The following RYR1 variants were observed in gnomAD, a reference collection of about 807,000 sequenced individuals.
RYR1 encodes the protein ryanodine receptor 1.
Under a neutral mutation model 583.5 loss-of-function variants are expected in RYR1, and 342 were observed. The observed-to-expected ratio is 0.59, with a 90% CI of 0.54 to 0.64. RYR1 has a LOEUF of 0.64. RYR1 is among the 30% of genes least tolerant of loss of function. RYR1 has a pLI of 0.00. For missense variants in RYR1, 6,032 were observed against 6,917.2 expected, an observed-to-expected ratio of 0.87 and a Z score of 4.54; for synonymous variants, 2,791 against 2,822.5, an observed-to-expected ratio of 0.99 and a Z score of 0.35.
At position 38,528,705 on chromosome 19, in the gene RYR1, G is replaced by A. The variant is rs780485201; in HGVS notation, c.11034+10G>A. 1 of 1,613,960 alleles carries A rather than the reference G, an allele frequency of 6.2e-7. No homozygotes were observed. The highest frequency in any genetic ancestry group is 1.1e-5 in the South Asian group (1 of 91,064). On this transcript the variant is annotated intron_variant, in intron 75 of 105. Coordinates refer to ENST00000359596, the MANE Select transcript of RYR1 (RefSeq NM_000540.3). ...GATAGATGACCTTTCAGTGAGCTGG[G>A]ACCCGCCTGGGGGAGTGGGGGGCGA...
At chr19:38,468,204 C>G (rs577670341) in intron 25 of RYR1, among the ~76,000 whole-genome samples, 2 of 151,738 alleles carry the variant, frequency 1.3e-5, no homozygotes, top group South Asian at 4.2e-4. Context: ...ACATATAGTC[C>G]CATCATCCAT....
Position 38,437,591 on chromosome 19 carries a change from G to T in RYR1, c.46-3154G>T, listed in dbSNP as rs923268603. On this transcript the variant is annotated intron_variant, in intron 1 of 105. Coordinates refer to ENST00000359596, the MANE Select transcript of RYR1 (RefSeq NM_000540.3). ...TCGCTTTGGGAGGCTGAAGCAGGAC[G>T]ATTGCTTGAGGCCGGGAGTTCAAAA... Among the ~76,000 whole-genome samples the T allele has an allele frequency of 3.9e-5, 6 of 152,084 alleles. 1 individual carries two copies. Among genetic ancestry groups the T allele is most frequent in the African/African-American group, 1.5e-4 (6 of 41,354 alleles).
intron 12 of RYR1, among the ~76,000 whole-genome samples, chr19:38,452,327 G>C (rs1310019706): frequency 6.6e-6 from 1 of 151,996 alleles, no homozygotes; most frequent in East Asian, 1.9e-4. Flanking sequence ...TGTAGTCCCA[G>C]CTGCATGGGA....
chr19:38,563,052 T>C lies in RYR1; in HGVS notation c.12624+1598T>C, dbSNP rs557137608. Among the ~76,000 whole-genome samples the C allele has an allele frequency of 6.4e-4, 97 of 152,152 alleles. 1 individual carries two copies. In the Middle Eastern group the frequency reaches 0.017, roughly 27 times the overall value. ...GTTCACCACGGCCCTTCCCACTCAT[T>C]CTTTGCACGTGCTGGGGGAGCTCTG... On this transcript the variant is annotated intron_variant, in intron 90 of 105. Transcript: ENST00000359596.
rs576521967 is a variant in RYR1, at chr19:38,519,736, T to A, written c.10259+282T>A. ...CTTTATTGCCCAGGCTGGAATGCAG[T>A]GGCGCGATCTCGGCTCACTGTAACC... On this transcript the variant is annotated intron_variant, in intron 67 of 105. Transcript: ENST00000359596. Among the ~76,000 whole-genome samples the A allele has an allele frequency of 2.0e-5, 3 of 152,298 alleles. No individual in the cohort carries two copies. The East Asian group carries it at 5.8e-4, about 29-fold the overall frequency.
rs201584482 is a variant in RYR1 at position 38,499,937 on chromosome 19, G to A, written c.7244G>A (p.Arg2415Gln). 110 of 1,607,722 alleles carry A rather than the reference G, an allele frequency of 6.8e-5. No individual in the cohort carries two copies. The highest frequency in any genetic ancestry group is 8.4e-5 in the Non-Finnish European group (99 of 1,177,364). Residue 2415 changes from arginine (R) to glutamine (Q), a missense_variant, in exon 45 of 106, where the codon CGG (arginine) becomes CAG (glutamine). By Grantham distance (43) the Arg-to-Gln change is conservative. Transcript: ENST00000359596. This position sits in a 1 kb window ranked among gnomAD's most constrained non-coding sequence, Gnocchi z 7.3. ...GGTGAGGAACCGCCTGAAGAAAACC[G>A]GGTGCACCTGGGACACGCCATCATG... ...HFGEEPPEEN[R>Q]VHLGHAIMSF...
chr19:38,546,616 T>G, intron 88 of RYR1, 90 bp downstream of exon 88: 2 of 993,292 alleles, frequency 2.0e-6, no homozygotes, highest in Non-Finnish European at 3.2e-6. Context: ...ACCCTAATCC[T>G]CAACCCCATC....
chr19:38,552,923 A>G lies in RYR1; in HGVS notation c.12282+4503A>G, dbSNP rs1972726384. The stretch of plus-strand genomic sequence containing the variant: ...TGGGGCTGCACAGATCACAGGGTTT[A>G]ATGTCACCTACCTGACATTTTACAG... On this transcript the variant is annotated intron_variant, in intron 89 of 105. Transcript: ENST00000359596. Among the ~76,000 whole-genome samples the G allele has an allele frequency of 2.0e-5, 3 of 152,198 alleles. 1 individual carries two copies. Among genetic ancestry groups the G allele is most frequent in the South Asian group, 4.1e-4 (2 of 4,828 alleles).
At chr19:38,433,961 T>C in intron 1 of RYR1, 87 bp downstream of exon 1, 1 of 1,208,208 alleles carries the variant, frequency 8.3e-7, no homozygotes, top group Non-Finnish European at 1.2e-6. Context: ...CTGTCCGGCT[T>C]GCTGGTGGTC....
At position 38,486,114 on chromosome 19, in the gene RYR1, G is replaced by A. The variant is rs750141316; in HGVS notation, c.5459G>A (p.Arg1820His). Residue 1820 changes from arginine (R) to histidine (H), a missense_variant, in exon 34 of 106, where the codon CGC becomes CAC. By Grantham distance (29) the Arg-to-His change is conservative (BLOSUM62 0). Transcript: ENST00000359596. ...KALRMLGEAVRDGGQHARDPV... is the reference protein window; with the variant it reads ...KALRMLGEAVHDGGQHARDPV... ...CTGAGGATGCTGGGGGAGGCGGTGC[G>A]CGACGGTGGGCAGCACGCTCGCGAC... 7 of 1,613,018 alleles carry A rather than the reference G, an allele frequency of 4.3e-6. No homozygotes were observed. The highest frequency in any genetic ancestry group is 2.2e-5 in the East Asian group (1 of 44,862).
intron 76 of RYR1, among the ~76,000 whole-genome samples, chr19:38,530,032 T>A (rs886234148): frequency 1.3e-5 from 2 of 152,102 alleles, no homozygotes; most frequent in Non-Finnish European, 2.9e-5. Flanking sequence ...CAGGCTGGAG[T>A]GCAGTGGCAC....
intron 1 of RYR1, among the ~76,000 whole-genome samples, chr19:38,435,221 G>T (rs1284884510): frequency 1.3e-5 from 2 of 152,170 alleles, no homozygotes; most frequent in Non-Finnish European, 2.9e-5. Context: ...GGAAACCAAG[G>T]CCCGAATGGT....
At chr19:38,473,054 T>C (rs1462256708) in intron 27 of RYR1, among the ~76,000 whole-genome samples, 1 of 149,250 alleles carries the variant, frequency 6.7e-6, no homozygotes, top group East Asian at 2.0e-4. Context: ...AGCTGCCTGG[T>C]TACTGGTTAC....
Position 38,512,868 on chromosome 19 carries a change from G to A in RYR1, c.9472+385G>A, listed in dbSNP as rs1349059536. On this transcript the variant is annotated intron_variant, in intron 63 of 105. Transcript: ENST00000359596. The surrounding 1 kb of genome is among the most constrained non-coding windows in gnomAD (Gnocchi z 5.1). ...GCACATGCCTGTAATCCCAGCTACTGGGGAGGCTGACAAGGGAGGATCACT... is the reference window on the plus strand; with the variant it reads ...GCACATGCCTGTAATCCCAGCTACTAGGGAGGCTGACAAGGGAGGATCACT... Among the ~76,000 whole-genome samples, 3 of 151,934 alleles carry A rather than the reference G, an allele frequency of 2.0e-5. No homozygotes were observed. The highest frequency in any genetic ancestry group is 4.4e-5 in the Non-Finnish European group (3 of 67,982).
Position 38,543,198 on chromosome 19 carries a change from G to A in RYR1, c.11690-149G>A. The A allele has an allele frequency of 1.4e-6, 1 of 734,736 alleles. No individual in the cohort carries two copies. The allele number at this position is 734,736 out of a possible 1,614,324, so 45.5% of individuals were successfully genotyped here. ...TTTCTCTGTCACATAGTAAGTACTT[G>A]ATAGTTATTAAATAAATTGATGATG... is the stretch of plus-strand genomic sequence containing the variant. On this transcript the variant is annotated intron_variant, in intron 84 of 105. Coordinates refer to ENST00000359596, the MANE Select transcript of RYR1 (RefSeq NM_000540.3). The surrounding 1 kb of genome is among the most constrained non-coding windows in gnomAD (Gnocchi z 4.4).
In RYR1 at chr19:38,453,316, C is replaced by T. The variant is rs1344559857; in HGVS notation, c.1440+302C>T. Among the ~76,000 whole-genome samples the T allele has an allele frequency of 5.3e-5, 8 of 151,224 alleles. No homozygotes were observed. The South Asian group carries it at 1.7e-3, about 32-fold the overall frequency. On this transcript the variant is annotated intron_variant, in intron 13 of 105. Transcript: ENST00000359596. The stretch of plus-strand genomic sequence containing the variant: ...AGGATGGAATAAAAGAGCTGAGGGG[C>T]GGGGCCTATGTGAAGCTCAGGTATA...
Position 38,537,964 on chromosome 19 carries a change from A to G in RYR1, c.11689+4A>G. ...CTCTGTGAGGGGCACAATAATGGTG[A>G]GGAGGAGGGGTGTGGGGTGGAGGGG... On this transcript the variant is annotated splice_donor_region_variant and intron_variant, in intron 84 of 105. Transcript: ENST00000359596. 1 of 958,498 alleles carries G rather than the reference A, an allele frequency of 1.0e-6. No individual in the cohort carries two copies. The highest frequency in any genetic ancestry group is 1.6e-6 in the Non-Finnish European group (1 of 633,572). 59.4% of individuals were successfully genotyped at this position (958,498 alleles called of 1,614,324 possible).
At position 38,497,048 on chromosome 19, in the gene RYR1, G is replaced by A. The variant is rs1600811385; in HGVS notation, c.6891+94G>A. 8.4e-6 allele frequency: 9 copies of A among 1,070,710 alleles called. No individual in the cohort carries two copies. The East Asian group carries it at 2.3e-4, about 27-fold the overall frequency. 66.3% of individuals were successfully genotyped at this position (1,070,710 alleles called of 1,614,324 possible). On this transcript the variant is annotated intron_variant, in intron 42 of 105. Coordinates refer to ENST00000359596, the MANE Select transcript of RYR1 (RefSeq NM_000540.3). ...ACCTGCTGATTCCAAACTCATTCTG[G>A]GGGGCAATTCTGGATGGTCCAGTGC...
intron 88 of RYR1, among the ~76,000 whole-genome samples, chr19:38,547,961 C>T (rs1972504251): frequency 6.6e-6 from 1 of 152,210 alleles, no homozygotes; most frequent in African/African-American, 2.4e-5. Context: ...GATCCACCCA[C>T]CTCGGTCTCC....
Sources: gnomAD v4.1 joint callset for allele counts (sites outside exome capture counted in the v4.1 genomes callset) on GRCh38, gnomAD v4.1.1 for gene constraint, Gnocchi (gnomAD v3.1) non-coding constraint, MANE v1.5 for transcripts, NCBI Gene and HGNC (gene_info 2026-07-23, HGNC 2026-07-21) for gene names.